The following NLGN4X variants were observed in gnomAD, a reference collection of about 807,000 sequenced individuals.
NLGN4X encodes neuroligin 4 X-linked, also known as neuroligin-4, X-linked.
Under a neutral mutation model 40.3 loss-of-function variants are expected in NLGN4X, and 3 were observed. The observed-to-expected ratio is 0.07, with a 90% confidence interval of 0.03 to 0.19. The LOEUF (loss-of-function observed/expected upper bound fraction) is 0.19, where lower values mean the gene tolerates loss of function less well. Among genes scored for constraint, NLGN4X ranks in the 10% least tolerant of loss-of-function variants. The pLI, the probability that NLGN4X is intolerant of heterozygous loss-of-function variation, is 1.00. For missense variants in NLGN4X, 382 were observed against 708.3 expected, an observed-to-expected ratio of 0.54 and a Z score of 5.23; for synonymous variants, 270 against 306.8, an observed-to-expected ratio of 0.88 and a Z score of 1.25.
chrX:6,035,169 A>G (rs146756886), intron 2 of NLGN4X, among the ~76,000 whole-genome samples: 3 of 112,418 alleles, frequency 2.7e-5, no homozygotes, highest in African/African-American at 9.7e-5. Context: ...GTTTGTTTAC[A>G]TATTTTCTAA....
chrX:6,054,621 A>C (rs760632456), intron 2 of NLGN4X, among the ~76,000 whole-genome samples: 1 of 110,879 alleles, frequency 9.0e-6, no homozygotes, highest in Non-Finnish European at 1.9e-5. Context: ...TCTCTAAAAA[A>C]ATAATAATAA....
At chrX:6,053,278 C>A in intron 2 of NLGN4X, among the ~76,000 whole-genome samples, 1 of 112,013 alleles carries the variant, frequency 8.9e-6, no homozygotes, top group Middle Eastern at 4.6e-3. Context: ...AGAGTAATAA[C>A]CCGGGAAGGA....
intron 2 of NLGN4X, among the ~76,000 whole-genome samples, chrX:6,072,490 A>C (rs191311967): frequency 3.6e-5 from 4 of 112,068 alleles, no homozygotes; most frequent in East Asian, 2.8e-4. Context: ...AAAGAGTAAA[A>C]TGAGGACAGA....
intron 1 of NLGN4X, among the ~76,000 whole-genome samples, chrX:6,161,640 AATATT>A (rs1224798295): frequency 9.3e-6 from 1 of 107,885 alleles, no homozygotes; most frequent in Non-Finnish European, 1.9e-5. Flanking sequence ...AGATAAAAGA[AATATT>A]ATATTTAGGA....
At chrX:6,137,030 G>A (rs2039835864) in intron 2 of NLGN4X, among the ~76,000 whole-genome samples, 1 of 112,371 alleles carries the variant, frequency 8.9e-6, no homozygotes, top group South Asian at 3.7e-4. Flanking sequence ...CTGGGGCTTT[G>A]TAACTAATTA....
chrX:6,142,156 T>C (rs1346501238), intron 2 of NLGN4X, among the ~76,000 whole-genome samples: 1 of 112,631 alleles, frequency 8.9e-6, no homozygotes, highest in Non-Finnish European at 1.9e-5. Flanking sequence ...GCAAATTGAA[T>C]TGAATTAAAA....
At chrX:6,083,204 T>C (rs5916294) in intron 2 of NLGN4X, among the ~76,000 whole-genome samples, 42,542 of 99,516 alleles carry the variant, frequency 0.43, 8,301 homozygotes, top group Admixed American at 0.45. Flanking sequence ...ATGATCCGCC[T>C]GCCTCAGCCT....
At chrX:5,907,361 G>A (rs951945716) in intron 4 of NLGN4X, among the ~76,000 whole-genome samples, 9 of 111,476 alleles carry the variant, frequency 8.1e-5, no homozygotes, top group Non-Finnish European at 1.5e-4. Context: ...GTCTCTCATC[G>A]GATACTGCAG....
At chrX:6,109,324 A>G in intron 2 of NLGN4X, among the ~76,000 whole-genome samples, 2 of 111,712 alleles carry the variant, frequency 1.8e-5, no homozygotes, top group Non-Finnish European at 3.8e-5. Context: ...ACAATTTTAT[A>G]AACCTTCAGA....
At chrX:5,947,352 G>A (rs2034160163) in intron 3 of NLGN4X, among the ~76,000 whole-genome samples, 1 of 111,689 alleles carries the variant, frequency 9.0e-6, no homozygotes, top group Non-Finnish European at 1.9e-5. Context: ...ATTGATACAG[G>A]CATTTTGTTT....
At chrX:6,057,293 G>C (rs957902545) in intron 2 of NLGN4X, among the ~76,000 whole-genome samples, 2 of 111,672 alleles carry the variant, frequency 1.8e-5, no homozygotes, top group African/African-American at 3.3e-5. Context: ...CGTGAGAAAA[G>C]AGATTCAGTG....
intron 3 of NLGN4X, among the ~76,000 whole-genome samples, chrX:5,953,441 T>C (rs1247739978): frequency 9.0e-6 from 1 of 111,682 alleles, no homozygotes; most frequent in Admixed American, 9.5e-5. Context: ...CTGTTGTATA[T>C]TTTAAAATAA....
chrX:6,008,287 C>T (rs1469144553), intron 3 of NLGN4X, among the ~76,000 whole-genome samples: 1 of 111,921 alleles, frequency 8.9e-6, no homozygotes, highest in African/African-American at 3.2e-5. Flanking sequence ...AATCTACTTT[C>T]TGTCTCTATG....
At chrX:6,015,890 G>A (rs755722011) in intron 3 of NLGN4X, among the ~76,000 whole-genome samples, 2 of 111,871 alleles carry the variant, frequency 1.8e-5, no homozygotes, top group South Asian at 7.6e-4. Flanking sequence ...ATTGGTCAAT[G>A]AGGCTGAAGA....
chrX:6,043,290 TA>T (rs56212631), intron 2 of NLGN4X, among the ~76,000 whole-genome samples: 1 of 110,290 alleles, frequency 9.1e-6, no homozygotes, highest in Admixed American at 9.7e-5. Context: ...GTGACTTTTT[TA>T]AATAAATAGT....
chrX:5,976,175 A>G (rs771462670), intron 3 of NLGN4X, among the ~76,000 whole-genome samples: 16 of 112,496 alleles, frequency 1.4e-4, no homozygotes, highest in African/African-American at 4.8e-4. Context: ...AATAATCACA[A>G]TATTTTCAAC....
At chrX:6,067,588 T>G (rs372992208) in intron 2 of NLGN4X, among the ~76,000 whole-genome samples, 1 of 111,721 alleles carries the variant, frequency 9.0e-6, no homozygotes, top group Non-Finnish European at 1.9e-5. Context: ...ACATACCCGG[T>G]CATGGCATGT....
chrX:5,962,594 C>T lies in NLGN4X; in HGVS notation c.626-53355G>A, dbSNP rs1464330082. On this transcript the variant is annotated intron_variant, in intron 3 of 5. Coordinates refer to ENST00000381095, the MANE Select transcript of NLGN4X (RefSeq NM_181332.3). The stretch of plus-strand genomic sequence containing the variant: ...AGAGTTTATTGATTTCTGTAGTTTT[C>T]CTATACTATCTCCTTTTATGGGCTG... Among the ~76,000 whole-genome samples, 3 of 112,222 alleles carry T rather than the reference C, an allele frequency of 2.7e-5. No homozygotes were observed. The East Asian group carries it at 8.4e-4, about 31-fold the overall frequency.
At position 5,993,613 on chromosome X, in the gene NLGN4X, C is replaced by T. The variant is rs114057830; in HGVS notation, c.625+35667G>A. On this transcript the variant is annotated intron_variant, in intron 3 of 5. Transcript: ENST00000381095. Reference sequence around the variant, plus strand: ...TACCAAAGCAAGGCCTAGTAACAGACTGTGGGGCTGGCCACACCATACTTG... The same window carrying T: ...TACCAAAGCAAGGCCTAGTAACAGATTGTGGGGCTGGCCACACCATACTTG... 2.4e-3 allele frequency among the ~76,000 whole-genome samples: 268 copies of T among 112,317 alleles called. 2 individuals carry two copies. Among genetic ancestry groups the T allele is most frequent in the African/African-American group, 8.0e-3 (249 of 30,956 alleles).
Sources: allele counts gnomAD v4.1 joint callset (sites outside exome capture counted in the v4.1 genomes callset), GRCh38; gene constraint gnomAD v4.1.1; transcripts MANE v1.5; gene names NCBI Gene and HGNC (gene_info 2026-07-23, HGNC 2026-07-21).